The following ZC3H4 variants were observed in gnomAD, a reference collection of about 807,000 sequenced individuals.
ZC3H4 encodes zinc finger CCCH domain-containing protein 4.
In ZC3H4, 13 loss-of-function variants were observed where a neutral mutation model predicts 108.3. The ratio of observed to expected loss-of-function variants is 0.12; its 90% CI spans 0.08 to 0.19. ZC3H4 has a LOEUF of 0.19. Among genes scored for constraint, ZC3H4 ranks in the 10% least tolerant of loss-of-function variants. The pLI is 1.00. For missense variants in ZC3H4, 1,734 were observed against 1,838.8 expected, an observed-to-expected ratio of 0.94 and a Z score of 1.04; for synonymous variants, 917 against 749.6, an observed-to-expected ratio of 1.22 and a Z score of -3.65.
chr19:47,100,444 C>G (rs549435664), intron 2 of ZC3H4, among the ~76,000 whole-genome samples: 1 of 151,926 alleles, frequency 6.6e-6, no homozygotes, highest in Admixed American at 6.6e-5. Context: ...AACGTGCCTA[C>G]GCCACGGCAA....
rs566810999 is a variant in ZC3H4 at position 47,067,210 on chromosome 19, G to T, written c.3058C>A (p.Pro1020Thr). Reference protein sequence around the residue: ...PRLHRAATAGPPNARQRPGAS... With the variant: ...PRLHRAATAGTPNARQRPGAS... Reference sequence around the variant, plus strand: ...CCCGGGCGCTGCCGGGCGTTGGGGGGCCCTGCCGTGGCAGCGCGGTGCAGC... The same window carrying T: ...CCCGGGCGCTGCCGGGCGTTGGGGGTCCCTGCCGTGGCAGCGCGGTGCAGC... The change falls in exon 15 of 15, where the codon CCC becomes ACC. Residue 1020 changes from proline to threonine, a missense_variant. Pro to Thr is a conservative substitution (Grantham distance 38). This residue lies in a region of ZC3H4 where 518 missense variants were observed against 499.6 expected (regional missense o/e 1.04). Coordinates refer to ENST00000253048, the MANE Select transcript of ZC3H4 (RefSeq NM_015168.2). This position sits in a 1 kb window ranked among gnomAD's most constrained non-coding sequence, Gnocchi z 6.4. 4.0e-5 allele frequency: 65 copies of T among 1,609,428 alleles called. No individual in the cohort carries two copies. Among genetic ancestry groups the T allele is most frequent in the East Asian group, 1.8e-4 (8 of 44,740 alleles).
In ZC3H4 at chr19:47,066,216, A is replaced by G. The variant is rs891127740; in HGVS notation, c.*140T>C. 20 of 632,634 alleles carry G rather than the reference A, an allele frequency of 3.2e-5. No individual in the cohort carries two copies. The highest frequency in any genetic ancestry group is 2.8e-4 in the East Asian group (9 of 31,864). The allele number at this position is 632,634 out of a possible 1,614,324, so 39.2% of individuals were successfully genotyped here. On this transcript the variant is annotated 3_prime_UTR_variant, in exon 15 of 15. Transcript: ENST00000253048. ...AAAGTACTACTTTAAAAAAAAATAA[A>G]AGAGACGGAAAGCAAAAGAAAAAGA... is the stretch of plus-strand genomic sequence containing the variant.
chr19:47,098,733 C>T (rs2057861623), intron 2 of ZC3H4, among the ~76,000 whole-genome samples: 9 of 152,198 alleles, frequency 5.9e-5, no homozygotes, highest in Admixed American at 5.9e-4. Flanking sequence ...CACTGCACTT[C>T]AGTCTGGGTG....
intron 4 of ZC3H4, among the ~76,000 whole-genome samples, chr19:47,091,646 C>T (rs1402860564): frequency 1.3e-5 from 2 of 149,226 alleles, no homozygotes; most frequent in Admixed American, 1.3e-4. Flanking sequence ...CCAGCACTTT[C>T]GGAGGCAAAG....
At chr19:47,099,072 G>A (rs1468400078) in intron 2 of ZC3H4, among the ~76,000 whole-genome samples, 8 of 152,182 alleles carry the variant, frequency 5.3e-5, no homozygotes, top group Admixed American at 5.2e-4. Flanking sequence ...AGAAGCAGCT[G>A]TTGGTTTTAA....
intron 9 of ZC3H4, among the ~76,000 whole-genome samples, chr19:47,083,355 T>C (rs1257336414): frequency 6.6e-6 from 1 of 151,252 alleles, no homozygotes; most frequent in Non-Finnish European, 1.5e-5. Context: ...GGGGTCTATG[T>C]TGCCCAGGGT....
chr19:47,081,151 C>T (rs1053301365), intron 11 of ZC3H4, among the ~76,000 whole-genome samples: 9 of 152,068 alleles, frequency 5.9e-5, no homozygotes, highest in Admixed American at 2.6e-4. Context: ...CCTCCTGCCT[C>T]GGCCTCCCAA....
Position 47,112,302 on chromosome 19 carries a change from TTCCTCC to T in ZC3H4, c.161+116_161+121del, listed in dbSNP as rs371203061. 1.5e-3 allele frequency: 1,573 copies of T among 1,050,748 alleles called. 8 individuals are homozygous for T. Among genetic ancestry groups the T allele is most frequent in the African/African-American group, 0.011 (644 of 60,068 alleles). The allele number at this position is 1,050,748 out of a possible 1,614,324, so 65.1% of individuals were successfully genotyped here. On this transcript the variant is annotated intron_variant, in intron 2 of 14. Coordinates refer to ENST00000253048, the MANE Select transcript of ZC3H4 (RefSeq NM_015168.2). ...CGAGAGACACCCACCGACCCCGCCC[TTCCTCC>T]TCCTCCTCCTCCTCCTCCTCCTCCG...
chr19:47,099,929 TAGGTTAATGTGA>T (rs2057880430), intron 2 of ZC3H4, among the ~76,000 whole-genome samples: 2 of 151,678 alleles, frequency 1.3e-5, no homozygotes, highest in South Asian at 4.2e-4. Context: ...AAGAGGCGGC[TAGGTTAATGTGA>T]AGGTCAGGGT....
chr19:47,094,786 AC>A (rs2057794965), intron 2 of ZC3H4, among the ~76,000 whole-genome samples, 178 bp from the exon 3 acceptor site: 1 of 152,170 alleles, frequency 6.6e-6, no homozygotes, highest in South Asian at 2.1e-4. Context: ...CCCTGAAAGA[AC>A]TGTGCTTGCT....
In ZC3H4 at chr19:47,069,127, G is replaced by T; in HGVS notation, c.2363C>A (p.Ala788Asp). 6.2e-7 allele frequency: 1 copy of T among 1,605,174 alleles called. No individual in the cohort carries two copies. The change falls in exon 14 of 15, where the codon GCT (alanine) becomes GAT (aspartate). Residue 788 changes from alanine (A) to aspartate (D), a missense_variant. By Grantham distance (126) the Ala-to-Asp change is moderately radical. Transcript: ENST00000253048. ...CTCCCGGTCCTGCTTGCTGCTCTCA[G>T]CCAGCCTCCTCGCTCTCTCCTCCTC... ...QEEEERARRL[A>D]ESSKQDRENE... is the part of the protein sequence containing the mutation.
At chr19:47,096,739 G>A in intron 2 of ZC3H4, 1 of 916,328 alleles carries the variant, frequency 1.1e-6, no homozygotes, top group Non-Finnish European at 1.3e-6. Context: ...AGCTGAGAGG[G>A]ACATGATCAC....
intron 11 of ZC3H4, among the ~76,000 whole-genome samples, chr19:47,076,007 C>G: frequency 6.6e-6 from 1 of 152,350 alleles, no homozygotes; most frequent in African/African-American, 2.4e-5. Context: ...TATCAGTGAT[C>G]ACAGTTTCCA....
In ZC3H4 at chr19:47,086,437, T is replaced by C; in HGVS notation, c.817A>G (p.Met273Val). 1.9e-6 allele frequency: 3 copies of C among 1,613,318 alleles called. No homozygotes were observed. Among genetic ancestry groups the C allele is most frequent in the South Asian group, 2.2e-5 (2 of 91,022 alleles). The change falls in exon 6 of 15, where the codon ATG becomes GTG. Residue 273 changes from methionine (M) to valine (V), a missense_variant. Met to Val is a conservative substitution (Grantham distance 21). Around this residue, in one of 9 missense-constraint regions of ZC3H4, gnomAD observed 403 missense variants for 457.0 expected, o/e 0.88. Coordinates refer to ENST00000253048, the MANE Select transcript of ZC3H4 (RefSeq NM_015168.2). Reference sequence around the variant, plus strand: ...TCATCCTCCGGGTGGTCTCCTCCCATAGAGCCTCTGCCCCTGCCTCGGCTG... The same window carrying C: ...TCATCCTCCGGGTGGTCTCCTCCCACAGAGCCTCTGCCCCTGCCTCGGCTG... ...RGSRGRGRGS[M>V]GGDHPEDEED...
intron 5 of ZC3H4, among the ~76,000 whole-genome samples, chr19:47,087,298 A>ACAC (rs145447279): frequency 8.1e-4 from 28 of 34,778 alleles, no homozygotes; most frequent in Non-Finnish European, 1.4e-3. Flanking sequence ...ACACACACAC[A>ACAC]AAAAAAAACC....
rs1293136804 is a variant in ZC3H4 at position 47,090,776 on chromosome 19, G to T, written c.493-587C>A. On this transcript the variant is annotated intron_variant, in intron 4 of 14. Coordinates refer to ENST00000253048, the MANE Select transcript of ZC3H4 (RefSeq NM_015168.2). ...TATGTAACAATAAAGTGTGTATTGGGCAAAACCCAGAGAACTATACAACCC... is the reference window on the plus strand; with the variant it reads ...TATGTAACAATAAAGTGTGTATTGGTCAAAACCCAGAGAACTATACAACCC... Among the ~76,000 whole-genome samples the T allele has an allele frequency of 2.0e-5, 3 of 152,150 alleles. No individual in the cohort carries two copies. The East Asian group carries it at 5.8e-4, about 29-fold the overall frequency.
At chr19:47,111,807 C>T (rs2058042945) in intron 2 of ZC3H4, among the ~76,000 whole-genome samples, 1 of 151,930 alleles carries the variant, frequency 6.6e-6, no homozygotes, top group Non-Finnish European at 1.5e-5. Flanking sequence ...GAGAAGGGAC[C>T]TGAATGAACC....
chr19:47,102,365 C>T (rs927960311), intron 2 of ZC3H4, among the ~76,000 whole-genome samples: 2 of 152,166 alleles, frequency 1.3e-5, no homozygotes, highest in Non-Finnish European at 2.9e-5. Flanking sequence ...GACAAAACAA[C>T]GCCCACCCTG....
At chr19:47,077,030 G>A (rs2057433777) in intron 11 of ZC3H4, among the ~76,000 whole-genome samples, 1 of 151,996 alleles carries the variant, frequency 6.6e-6, no homozygotes, top group African/African-American at 2.4e-5. Context: ...AGCTGGATGT[G>A]GTGGCGGGCC....
Sources: gnomAD v4.1 joint callset for allele counts (sites outside exome capture counted in the v4.1 genomes callset) on GRCh38, gnomAD v4.1.1 for gene constraint, gnomAD v4.1.1 regional missense constraint, Gnocchi (gnomAD v3.1) non-coding constraint, MANE v1.5 for transcripts, NCBI Gene and HGNC (gene_info 2026-07-23, HGNC 2026-07-21) for gene names.